Variants in TOP6BL observed in about 807,000 individuals in gnomAD.
TOP6BL encodes the protein type 2 DNA topoisomerase 6 subunit B-like.
the TOP6BL span, among the ~76,000 whole-genome samples, chr11:66,770,308 G>A: frequency 1.3e-5 from 2 of 152,156 alleles, no homozygotes; most frequent in Admixed American, 1.3e-4. Flanking sequence ...GGCTTGAGTG[G>A]ACTAAGACAA....
the TOP6BL span, among the ~76,000 whole-genome samples, chr11:66,772,239 T>C: frequency 6.6e-6 from 1 of 152,208 alleles, no homozygotes; most frequent in African/African-American, 2.4e-5. Context: ...TGAAATACAA[T>C]TGATGTTTAT....
the TOP6BL span, among the ~76,000 whole-genome samples, chr11:66,774,136 G>T: frequency 6.6e-6 from 1 of 152,192 alleles, no homozygotes; most frequent in South Asian, 2.1e-4. Flanking sequence ...TGACTTTAAT[G>T]GAGTTTATTT....
the TOP6BL span, among the ~76,000 whole-genome samples, chr11:66,759,530 T>C: frequency 6.6e-6 from 1 of 152,202 alleles, no homozygotes; most frequent in Non-Finnish European, 1.5e-5. Flanking sequence ...TTTTCCACAT[T>C]ATATGCCAGA....
the TOP6BL span, chr11:66,821,606 A>G: frequency 2.6e-6 from 4 of 1,561,296 alleles, no homozygotes; most frequent in Non-Finnish European, 2.6e-6. Context: ...GAGGGGAGGT[A>G]GATATAGTGA....
chr11:66,785,206 G>A, the TOP6BL span, among the ~76,000 whole-genome samples: 1 of 151,892 alleles, frequency 6.6e-6, no homozygotes, highest in African/African-American at 2.4e-5. Context: ...TGATCCACCC[G>A]TCTTAACCTC....
At chr11:66,778,680 A>G in the TOP6BL span, among the ~76,000 whole-genome samples, 1 of 152,150 alleles carries the variant, frequency 6.6e-6, no homozygotes, top group African/African-American at 2.4e-5. Context: ...TTCATATGGA[A>G]CCAAAAAAGA....
At chr11:66,783,912 A>G in the TOP6BL span, among the ~76,000 whole-genome samples, 1 of 152,048 alleles carries the variant, frequency 6.6e-6, no homozygotes, top group African/African-American at 2.4e-5. Flanking sequence ...TGCAGCCTCT[A>G]CCTCCTGGCC....
At chr11:66,762,244 G>GCAGAACAC in the TOP6BL span, 1 of 558,914 alleles carries the variant, frequency 1.8e-6, no homozygotes, top group Non-Finnish European at 3.2e-6. Flanking sequence ...GGGCCCGGCC[G>GCAGAACAC]CAGAACACGC....
the TOP6BL span, chr11:66,801,149 C>T: frequency 6.4e-7 from 1 of 1,563,988 alleles, no homozygotes; most frequent in African/African-American, 1.4e-5. Context: ...TTACTCTCCT[C>T]TCGAGTACGA....
At chr11:66,796,224 C>T in the TOP6BL span, 48 of 1,295,760 alleles carry the variant, frequency 3.7e-5, no homozygotes, top group African/African-American at 6.4e-4. Flanking sequence ...CGTTTTAATT[C>T]ATTTGTGCTC....
chr11:66,817,422 GGATGATGATGAT>G, the TOP6BL span, among the ~76,000 whole-genome samples: 6 of 151,518 alleles, frequency 4.0e-5, no homozygotes, highest in African/African-American at 1.5e-4. Flanking sequence ...CAGAATCACT[GGATGATGATGAT>G]GATGATGATG....
chr11:66,760,945 T>TTTGAATTTA, the TOP6BL span, among the ~76,000 whole-genome samples: 1 of 152,098 alleles, frequency 6.6e-6, no homozygotes, highest in South Asian at 2.1e-4. Context: ...TCAATTAAAA[T>TTTGAATTTA]TTGAATTTAT....
At chr11:66,782,098 G>A in the TOP6BL span, among the ~76,000 whole-genome samples, 5 of 152,242 alleles carry the variant, frequency 3.3e-5, no homozygotes, top group Admixed American at 3.3e-4. Flanking sequence ...ATACCATTTA[G>A]CCTCCAAACT....
chr11:66,823,593 G>A, the TOP6BL span, among the ~76,000 whole-genome samples: 30 of 152,242 alleles, frequency 2.0e-4, no homozygotes, highest in African/African-American at 7.0e-4. Context: ...GGCTGAGGCG[G>A]TGGATTGCTT....
chr11:66,783,849 A>G, the TOP6BL span, among the ~76,000 whole-genome samples: 1 of 152,078 alleles, frequency 6.6e-6, no homozygotes, highest in Non-Finnish European at 1.5e-5. Flanking sequence ...ATTTTTTGGC[A>G]GGGTCTCACT....
At chr11:66,843,325 G>A in the TOP6BL span, 4 of 1,509,126 alleles carry the variant, frequency 2.7e-6, no homozygotes, top group Non-Finnish European at 3.5e-6. Context: ...CGCTCACCAA[G>A]TCCTCTTCCG....
chr11:66,764,091 A>G, the TOP6BL span, among the ~76,000 whole-genome samples: 1 of 152,256 alleles, frequency 6.6e-6, no homozygotes, highest in African/African-American at 2.4e-5. Flanking sequence ...TAGTGAAGAT[A>G]CCTTAATTAT....
the TOP6BL span, among the ~76,000 whole-genome samples, chr11:66,810,851 G>GA: frequency 3.7e-3 from 543 of 145,346 alleles, 1 homozygote; most frequent in Admixed American, 6.8e-3. Context: ...TACCTTACCA[G>GA]AAAAAAAAAA....
the TOP6BL span, among the ~76,000 whole-genome samples, chr11:66,800,325 G>T: frequency 2.0e-5 from 3 of 151,988 alleles, no homozygotes; most frequent in Non-Finnish European, 4.4e-5. Flanking sequence ...TTCACAGGGG[G>T]GTGACTATAG....
Sources: allele counts gnomAD v4.1 joint callset (sites outside exome capture counted in the v4.1 genomes callset), GRCh38; gene constraint gnomAD v4.1.1; transcripts MANE v1.5; gene names NCBI Gene and HGNC (gene_info 2026-07-23, HGNC 2026-07-21).